Variants in PTGS1 observed in about 807,000 individuals in gnomAD.
The protein encoded by PTGS1 is prostaglandin-endoperoxide synthase 1.
Under a neutral mutation model 63.0 loss-of-function variants are expected in PTGS1, and 40 were observed. The ratio of observed to expected loss-of-function variants is 0.63; its 90% CI spans 0.49 to 0.83. PTGS1 has a LOEUF of 0.83. PTGS1 is among the 40% of genes least tolerant of loss of function. PTGS1 has a pLI of 0.00. For synonymous variants in PTGS1, 298 were observed against 301.9 expected, an observed-to-expected ratio of 0.99 and a Z score of 0.13; for missense variants, 709 against 786.5, an observed-to-expected ratio of 0.90 and a Z score of 1.18.
chr9:122,378,390 C>A, intron 3 of PTGS1, 43 bp from the exon 4 acceptor site: 1 of 1,609,104 alleles, frequency 6.2e-7, no homozygotes. Flanking sequence ...ACTTCTGGTT[C>A]TGGTAGGAGG....
At chr9:122,382,495 T>G (rs1477206869) in intron 7 of PTGS1, among the ~76,000 whole-genome samples, 1 of 152,264 alleles carries the variant, frequency 6.6e-6, no homozygotes, top group Non-Finnish European at 1.5e-5. Flanking sequence ...CATGTCCGAC[T>G]TGTTCCACGC....
intron 2 of PTGS1, among the ~76,000 whole-genome samples, chr9:122,377,447 G>T (rs1027847882): frequency 6.6e-6 from 1 of 152,026 alleles, no homozygotes; most frequent in Non-Finnish European, 1.5e-5. Context: ...CCCCGTCCTC[G>T]TCCTCGTCCC....
chr9:122,384,655 T>G (rs1837763927), intron 8 of PTGS1, among the ~76,000 whole-genome samples: 1 of 152,006 alleles, frequency 6.6e-6, no homozygotes, highest in Non-Finnish European at 1.5e-5. Context: ...TTCAGAGAGG[T>G]GAAGTGAACT....
chr9:122,392,460 G>C lies in PTGS1; in HGVS notation c.1716G>C (p.Lys572Asn). 6.2e-7 allele frequency: 1 copy of C among 1,614,182 alleles called. No individual in the cohort carries two copies. Among genetic ancestry groups the C allele is most frequent in the South Asian group, 1.1e-5 (1 of 91,074 alleles). ...AGAAGCTGGTCTGCCTCAACACCAAGACCTGTCCCTACGTTTCCTTCCGTG... is the reference window on the plus strand; with the variant it reads ...AGAAGCTGGTCTGCCTCAACACCAACACCTGTCCCTACGTTTCCTTCCGTG... ...TLKKLVCLNTKTCPYVSFRVP... is the reference protein window; with the variant it reads ...TLKKLVCLNTNTCPYVSFRVP... Residue 572 changes from lysine to asparagine, a missense_variant, in exon 11 of 11, where the codon AAG becomes AAC. Lys to Asn is a moderately conservative substitution (Grantham distance 94). Transcript: ENST00000362012.
chr9:122,392,782 CT>C lies in PTGS1; in HGVS notation c.*239del, dbSNP rs1412840017. ...TTGTTAGGAGTGGTTCTCATTTGGT[CT>C]GCCAGAATACTGGGTTCTTAGTTGA... On this transcript the variant is annotated 3_prime_UTR_variant, in exon 11 of 11. Coordinates refer to ENST00000362012, the MANE Select transcript of PTGS1 (RefSeq NM_000962.4). 2 of 451,058 alleles carry C rather than the reference CT, an allele frequency of 4.4e-6. No homozygotes were observed. Among genetic ancestry groups the C allele is most frequent in the African/African-American group, 1.9e-5 (1 of 52,044 alleles). The allele number at this position is 451,058 out of a possible 1,614,324, so 27.9% of individuals were successfully genotyped here.
At chr9:122,375,935 A>C (rs1422258012) in intron 2 of PTGS1, among the ~76,000 whole-genome samples, 2 of 152,136 alleles carry the variant, frequency 1.3e-5, no homozygotes, top group African/African-American at 4.8e-5. Flanking sequence ...CTAGACCGTG[A>C]GTCCTAGCGG....
chr9:122,387,223 G>A (rs538265788), intron 9 of PTGS1, among the ~76,000 whole-genome samples: 3 of 152,098 alleles, frequency 2.0e-5, no homozygotes, highest in Admixed American at 2.0e-4. Context: ...CCCAGGGTAA[G>A]AGGTGGTGTT....
At chr9:122,389,285 G>A (rs569667706) in intron 9 of PTGS1, among the ~76,000 whole-genome samples, 1 of 151,654 alleles carries the variant, frequency 6.6e-6, no homozygotes, top group African/African-American at 2.4e-5. Context: ...CAAATAGCTG[G>A]GATTACTGGC....
chr9:122,371,857 C>T, intron 2 of PTGS1: 1 of 1,473,028 alleles, frequency 6.8e-7, no homozygotes, highest in Non-Finnish European at 9.2e-7. Context: ...ATTCCCCAAG[C>T]TCACAAAATA....
intron 8 of PTGS1, 117 bp downstream of exon 8, chr9:122,383,872 G>A: frequency 7.1e-7 from 1 of 1,400,338 alleles, no homozygotes; most frequent in East Asian, 2.4e-5. Flanking sequence ...CTTCTGCTTA[G>A]TGGCTAGAAG....
At chr9:122,371,892 C>T (rs1273325822) in intron 2 of PTGS1, 5 of 1,301,542 alleles carry the variant, frequency 3.8e-6, no homozygotes, top group Non-Finnish European at 5.3e-6. Context: ...GATCTGAACT[C>T]AGGTCTGTCT....
chr9:122,385,850 A>G (rs1305292908), intron 8 of PTGS1, among the ~76,000 whole-genome samples: 3 of 152,078 alleles, frequency 2.0e-5, no homozygotes, highest in Admixed American at 2.0e-4. Flanking sequence ...CCTCCTTTGC[A>G]TGTCCTGCTT....
intron 2 of PTGS1, among the ~76,000 whole-genome samples, chr9:122,376,916 G>A (rs554360950): frequency 6.6e-6 from 1 of 152,194 alleles, no homozygotes; most frequent in African/African-American, 2.4e-5. Context: ...AGGGGGTGGT[G>A]GTCTGAGGGA....
intron 2 of PTGS1, 147 bp from the exon 3 acceptor site, chr9:122,377,752 G>A: frequency 5.9e-6 from 4 of 678,622 alleles, no homozygotes; most frequent in Non-Finnish European, 7.6e-6. Flanking sequence ...TCCCCTTGGG[G>A]GAACCCTGAA....
Position 122,378,936 on chromosome 9 carries a change from G to A in PTGS1, c.496+18G>A. The A allele has an allele frequency of 1.9e-6, 3 of 1,613,910 alleles. No individual in the cohort carries two copies. The highest frequency in any genetic ancestry group is 2.5e-6 in the Non-Finnish European group (3 of 1,179,884). ...AACCAAAGGTAAAATGGGGTGAGGAGCTGGGCCTGGGGATTACAGGAGGTG... is the reference window on the plus strand; with the variant it reads ...AACCAAAGGTAAAATGGGGTGAGGAACTGGGCCTGGGGATTACAGGAGGTG... On this transcript the variant is annotated intron_variant, in intron 5 of 10. Coordinates refer to ENST00000362012, the MANE Select transcript of PTGS1 (RefSeq NM_000962.4).
intron 9 of PTGS1, among the ~76,000 whole-genome samples, chr9:122,389,613 G>T (rs1838081947): frequency 6.6e-6 from 1 of 152,100 alleles, no homozygotes; most frequent in African/African-American, 2.4e-5. Context: ...GGTCTGGGGA[G>T]CAGTGTGAGC....
At chr9:122,373,088 T>C (rs1309778886) in intron 2 of PTGS1, among the ~76,000 whole-genome samples, 1 of 152,072 alleles carries the variant, frequency 6.6e-6, no homozygotes, top group African/African-American at 2.4e-5. Flanking sequence ...TCTGATGACT[T>C]TTGGACTGGA....
intron 10 of PTGS1, among the ~76,000 whole-genome samples, chr9:122,390,754 G>A (rs570563637): frequency 9.2e-5 from 14 of 152,194 alleles, no homozygotes; most frequent in Admixed American, 2.6e-4. Flanking sequence ...AAAATTAGCC[G>A]GGCATGGAGG....
At position 122,377,555 on chromosome 9, in the gene PTGS1, G is replaced by T. The variant is rs369760658; in HGVS notation, c.95-344G>T. Among the ~76,000 whole-genome samples the T allele has an allele frequency of 2.6e-5, 4 of 152,064 alleles. No homozygotes were observed. The South Asian group carries it at 8.3e-4, about 32-fold the overall frequency. ...CGCTCTAGAAGCCCGTGGCTGAGGAGTTTTATCAGCTCTTTCTTAACTTTC... is the reference window on the plus strand; with the variant it reads ...CGCTCTAGAAGCCCGTGGCTGAGGATTTTTATCAGCTCTTTCTTAACTTTC... On this transcript the variant is annotated intron_variant, in intron 2 of 10. Coordinates refer to ENST00000362012, the MANE Select transcript of PTGS1 (RefSeq NM_000962.4).
Sources: allele counts gnomAD v4.1 joint callset (sites outside exome capture counted in the v4.1 genomes callset), GRCh38; gene constraint gnomAD v4.1.1; transcripts MANE v1.5; gene names NCBI Gene and HGNC (gene_info 2026-07-23, HGNC 2026-07-21).